The following KIF1C variants were observed in gnomAD, a reference collection of about 807,000 sequenced individuals.
KIF1C encodes the protein kinesin family member 1C.
A neutral mutation model predicts 126.5 loss-of-function variants in KIF1C; 61 were observed. That is an observed-to-expected ratio of 0.48 (90% CI 0.39 to 0.60). The LOEUF (loss-of-function observed/expected upper bound fraction) is 0.60. Ranked by LOEUF, KIF1C falls within the 20% of genes least tolerant of loss-of-function variation. KIF1C has a pLI of 0.00. For missense variants in KIF1C, 1,315 were observed against 1,489.2 expected, an observed-to-expected ratio of 0.88 and a Z score of 1.93; for synonymous variants, 640 against 580.6, an observed-to-expected ratio of 1.10 and a Z score of -1.47.
chr17:5,015,131 G>A (rs1345161960), intron 18 of KIF1C, among the ~76,000 whole-genome samples: 2 of 152,194 alleles, frequency 1.3e-5, no homozygotes, highest in East Asian at 3.8e-4. Flanking sequence ...TTGCTGAAGA[G>A]AAGATCCTGC....
rs766902150 is a variant in KIF1C, at chr17:5,003,898, C to A, written c.846C>A (p.Ile282=). The change falls in exon 10 of 23, where the codon ATC becomes ATA. Residue 282 remains isoleucine (I), a synonymous_variant. Transcript: ENST00000320785. ...CCCTGACTACACTAGGGAAAGTGATCTCGGCCCTTGCAGATATGGTGAGAC... is the reference window on the plus strand; with the variant it reads ...CCCTGACTACACTAGGGAAAGTGATATCGGCCCTTGCAGATATGGTGAGAC... The part of the protein sequence containing the change: ...NKSLTTLGKV[I]SALADMQSKK... The A allele has an allele frequency of 1.2e-6, 2 of 1,613,928 alleles. No homozygotes were observed. The highest frequency in any genetic ancestry group is 1.7e-6 in the Non-Finnish European group (2 of 1,179,956).
In KIF1C at chr17:5,007,324, A is replaced by G; in HGVS notation, c.1397A>G (p.Glu466Gly). ...ETWEEKLRKT[E>G]ALRMEREALL... ...TGGGAGGAGAAGCTACGCAAGACAG[A>G]AGCCCTGAGGATGGAGAGGTGTGAG... Residue 466 changes from glutamate to glycine, a missense_variant, in exon 15 of 23, where the codon GAA (glutamate) becomes GGA (glycine). By Grantham distance (98) the Glu-to-Gly change is moderately conservative. Transcript: ENST00000320785. 3.1e-6 allele frequency: 5 copies of G among 1,613,660 alleles called. No individual in the cohort carries two copies. The highest frequency in any genetic ancestry group is 3.4e-6 in the Non-Finnish European group (4 of 1,179,778).
chr17:5,006,583 G>A (rs1374128771), intron 13 of KIF1C, among the ~76,000 whole-genome samples: 2 of 151,308 alleles, frequency 1.3e-5, no homozygotes, highest in Admixed American at 6.6e-5. Flanking sequence ...TGATCCACCC[G>A]CCTGGGCCTC....
intron 2 of KIF1C, 40 bp downstream of exon 2, chr17:5,000,010 TA>T (rs1974539237): frequency 1.9e-6 from 1 of 523,910 alleles, no homozygotes; most frequent in Non-Finnish European, 3.4e-6. Context: ...CAAGCTGGAA[TA>T]TGGCTGGGGA....
rs914142789 is a variant in KIF1C at position 5,023,288 on chromosome 17, C to T, written c.2629-180C>T. ...CCCACCTCAGCTTCCCAAAGTGCTG[C>T]GATTACAGGCGTGAGCCACTGCGCC... On this transcript the variant is annotated intron_variant, in intron 22 of 22. Transcript: ENST00000320785. The surrounding 1 kb of genome is among the most constrained non-coding windows in gnomAD (Gnocchi z 4.2). Among the ~76,000 whole-genome samples the T allele has an allele frequency of 6.6e-6, 1 of 151,992 alleles. No individual in the cohort carries two copies. The highest frequency in any genetic ancestry group is 2.4e-5 in the African/African-American group (1 of 41,370).
Position 5,004,019 on chromosome 17 carries a change from G to T in KIF1C, c.886G>T (p.Asp296Tyr). 4 of 1,614,080 alleles carry T rather than the reference G, an allele frequency of 2.5e-6. No homozygotes were observed. Among genetic ancestry groups the T allele is most frequent in the Non-Finnish European group, 2.5e-6 (3 of 1,180,006 alleles). Residue 296 changes from aspartate to tyrosine, a missense_variant, in exon 11 of 23, where the codon GAT becomes TAT. This residue lies in a region of KIF1C where 874 missense variants were observed against 1,053.2 expected (regional missense o/e 0.83). Transcript: ENST00000320785. ...CCAGCAATCAAAGAAGCGAAAGTCG[G>T]ATTTTATCCCCTACAGGGACTCTGT... ...ADMQSKKRKSDFIPYRDSVLT... is the reference protein window; with the variant it reads ...ADMQSKKRKSYFIPYRDSVLT...
Position 4,999,918 on chromosome 17 carries a change from C to A in KIF1C, c.-80C>A. ...TAGGATGGGGCTCCCCCTACGAGGG[C>A]CGGTGGCAGCCAGAACTGATACAGC... On this transcript the variant is annotated 5_prime_UTR_variant, in exon 2 of 23. Coordinates refer to ENST00000320785, the MANE Select transcript of KIF1C (RefSeq NM_006612.6). The A allele has an allele frequency of 3.2e-6, 1 of 310,694 alleles. No homozygotes were observed. The allele number at this position is 310,694 out of a possible 1,614,324, so 19.2% of individuals were successfully genotyped here. A position where few individuals can be genotyped will look rare whatever the true frequency, so the allele number is the denominator to read the frequency against.
Position 5,002,536 on chromosome 17 carries a change from G to T in KIF1C, c.502G>T (p.Val168Phe). Residue 168 changes from valine (V) to phenylalanine (F), a missense_variant, in exon 7 of 23, where the codon GTC (valine) becomes TTC (phenylalanine). Val to Phe is a conservative substitution (Grantham distance 50). Around this residue, in one of 2 missense-constraint regions of KIF1C, gnomAD observed 874 missense variants for 1,053.2 expected, o/e 0.83. Coordinates refer to ENST00000320785, the MANE Select transcript of KIF1C (RefSeq NM_006612.6). ...CCCCAAGAGTCGGGGTTCTCTGCGG[G>T]TCCGGGAGCACCCCATCCTGGGCCC... ...LNPKSRGSLR[V>F]REHPILGPYV... 1 of 1,614,002 alleles carries T rather than the reference G, an allele frequency of 6.2e-7. No homozygotes were observed. Among genetic ancestry groups the T allele is most frequent in the Non-Finnish European group, 8.5e-7 (1 of 1,179,904 alleles).
chr17:5,015,562 G>A (rs1211687581), intron 18 of KIF1C, among the ~76,000 whole-genome samples: 3 of 149,556 alleles, frequency 2.0e-5, no homozygotes, highest in Non-Finnish European at 4.4e-5. Context: ...GGGATTACAG[G>A]CGTGAGCCAC....
rs746467868 is a variant in KIF1C, at chr17:5,026,827, C to G, written c.*2676C>G. On this transcript the variant is annotated 3_prime_UTR_variant, in exon 23 of 23. Transcript: ENST00000320785. The stretch of plus-strand genomic sequence containing the variant: ...CACGGGCCAGGCACAGTGGCTCACA[C>G]CCGTAATCCCAACACTTTGGAATAT... 6.6e-6 allele frequency: 1 copy of G among 151,624 alleles called. No homozygotes were observed. The highest frequency in any genetic ancestry group is 1.5e-5 in the Non-Finnish European group (1 of 68,002). 9.4% of individuals were successfully genotyped at this position (151,624 alleles called of 1,614,324 possible).
In KIF1C at chr17:5,001,286, T is replaced by C; in HGVS notation, c.248T>C (p.Leu83Pro). ...VYRDIGEEML[L>P]HAFEGYNVCI... is the part of the protein sequence containing the mutation. ...CGGGACATTGGAGAAGAGATGCTGCTCCACGCCTTTGAAGGCTACAACGTG... is the reference window on the plus strand; with the variant it reads ...CGGGACATTGGAGAAGAGATGCTGCCCCACGCCTTTGAAGGCTACAACGTG... The change falls in exon 5 of 23, where the codon CTC becomes CCC. Residue 83 changes from leucine (L) to proline (P), a missense_variant. Leu to Pro is a moderately conservative substitution (Grantham distance 98). Transcript: ENST00000320785. 1 of 1,614,162 alleles carries C rather than the reference T, an allele frequency of 6.2e-7. No homozygotes were observed. Among genetic ancestry groups the C allele is most frequent in the East Asian group, 2.2e-5 (1 of 44,886 alleles).
At position 5,007,515 on chromosome 17, in the gene KIF1C, A is replaced by G. The variant is rs1555570377; in HGVS notation, c.1464A>G (p.Gly488=). The part of the protein sequence containing the change: ...EMGVAVREDG[G]TVGVFSPKKT... ...GGGTGGCCGTCCGGGAGGATGGGGG[A>G]ACTGTGGGCGTCTTCTCTCCAAAGA... The change falls in exon 16 of 23, where the codon GGA becomes GGG. Residue 488 remains glycine, a synonymous_variant. Transcript: ENST00000320785. The G allele has an allele frequency of 6.4e-7, 1 of 1,565,984 alleles. No individual in the cohort carries two copies. The highest frequency in any genetic ancestry group is 8.6e-7 in the Non-Finnish European group (1 of 1,156,288).
intron 5 of KIF1C, 119 bp downstream of exon 5, chr17:5,001,520 A>G (rs1974592661): frequency 1.9e-6 from 2 of 1,027,502 alleles, no homozygotes; most frequent in Admixed American, 4.9e-5. Context: ...GCCATTGGTG[A>G]TGGGAGATAG....
rs183460820 is a variant in KIF1C at position 5,016,327 on chromosome 17, G to A, written c.1666+1490G>A. 9.9e-5 allele frequency among the ~76,000 whole-genome samples: 15 copies of A among 151,826 alleles called. No individual in the cohort carries two copies. The East Asian group carries it at 2.8e-3, about 28-fold the overall frequency. Reference sequence around the variant, plus strand: ...TAATTTTGTATTTTTAGTAGAAACAGGGTTTCTCCAACTCCCAACCTCAGG... The same window carrying A: ...TAATTTTGTATTTTTAGTAGAAACAAGGTTTCTCCAACTCCCAACCTCAGG... On this transcript the variant is annotated intron_variant, in intron 18 of 22. Coordinates refer to ENST00000320785, the MANE Select transcript of KIF1C (RefSeq NM_006612.6).
intron 16 of KIF1C, among the ~76,000 whole-genome samples, chr17:5,012,717 G>A (rs114715514): frequency 6.6e-6 from 1 of 152,204 alleles, no homozygotes; most frequent in South Asian, 2.1e-4. Flanking sequence ...GGATGGAGAG[G>A]TGTGTGGCAC....
intron 18 of KIF1C, among the ~76,000 whole-genome samples, chr17:5,016,801 G>A (rs1974980858): frequency 6.6e-6 from 1 of 151,588 alleles, no homozygotes; most frequent in Non-Finnish European, 1.5e-5. Context: ...AGCTACTTAG[G>A]AGGCTGAGAC....
At chr17:5,001,097 G>A in intron 4 of KIF1C, 125 bp from the exon 5 acceptor site, 3 of 1,056,176 alleles carry the variant, frequency 2.8e-6, no homozygotes, top group East Asian at 4.8e-5. Context: ...CAATGATGAG[G>A]GTGGGAGGGC....
At position 5,004,175 on chromosome 17, in the gene KIF1C, G is replaced by T. The variant is rs932814145; in HGVS notation, c.940+102G>T. 1.9e-5 allele frequency: 17 copies of T among 895,458 alleles called. No individual in the cohort carries two copies. The African/African-American group carries it at 2.5e-4, about 13-fold the overall frequency. 55.5% of individuals were successfully genotyped at this position (895,458 alleles called of 1,614,324 possible). A position where few individuals can be genotyped will look rare whatever the true frequency, so the allele number is the denominator to read the frequency against. On this transcript the variant is annotated intron_variant, in intron 11 of 22. Transcript: ENST00000320785. ...TGCTATGCCGAGAATCCCAAATCCC[G>T]TTGTCTTACTTCTCCCCCTGACCCT...
intron 4 of KIF1C, 126 bp from the exon 5 acceptor site, chr17:5,001,096 G>T (rs1018033138): frequency 9.5e-7 from 1 of 1,049,064 alleles, no homozygotes; most frequent in African/African-American, 1.6e-5. Flanking sequence ...ACAATGATGA[G>T]GGTGGGAGGG....
Sources: gnomAD v4.1 joint callset for allele counts (sites outside exome capture counted in the v4.1 genomes callset) on GRCh38, gnomAD v4.1.1 for gene constraint, gnomAD v4.1.1 regional missense constraint, Gnocchi (gnomAD v3.1) non-coding constraint, MANE v1.5 for transcripts, NCBI Gene and HGNC (gene_info 2026-07-23, HGNC 2026-07-21) for gene names.